Variants in UBA1 observed in about 807,000 individuals in gnomAD.
UBA1 encodes the protein ubiquitin-like modifier-activating enzyme 1.
In UBA1, 4 loss-of-function variants were observed where a neutral mutation model predicts 84.7. That is an observed-to-expected ratio of 0.05 (90% CI 0.02 to 0.11). UBA1 has a LOEUF of 0.11. UBA1 is among the 10% of genes least tolerant of loss of function. The pLI is 1.00. For missense variants in UBA1, 513 were observed against 902.8 expected (o/e 0.57, Z 5.53); for synonymous variants, 364 against 362.6 (o/e 1.00, Z -0.04).
At chrX:47,196,872 C>T (rs981149496) in intron 1 of UBA1, among the ~76,000 whole-genome samples, 3 of 111,952 alleles carry the variant, frequency 2.7e-5, no homozygotes, top group Admixed American at 9.4e-5. Context: ...GGCCACTACA[C>T]GTGCCCAGGG....
intron 16 of UBA1, among the ~76,000 whole-genome samples, chrX:47,207,376 G>A (rs1470429032): frequency 1.8e-5 from 2 of 111,897 alleles, no homozygotes; most frequent in African/African-American, 6.5e-5. Flanking sequence ...AACGATAGCT[G>A]ATGAGCTGAA....
Position 47,206,023 on chromosome X carries a change from C to T in UBA1, c.1651C>T (p.Arg551Cys), listed in dbSNP as rs1556790814. Reference protein sequence around the residue: ...PHIRVTSHQNRVGPDTERIYD... With the variant: ...PHIRVTSHQNCVGPDTERIYD... ...TATCCGGGTGACAAGCCACCAGAACCGTGTGGGTCCTGACACGGAGCGCAT... is the reference window on the plus strand; with the variant it reads ...TATCCGGGTGACAAGCCACCAGAACTGTGTGGGTCCTGACACGGAGCGCAT... The change falls in exon 15 of 26, where the codon CGT becomes TGT. Residue 551 changes from arginine to cysteine, a missense_variant. Arg to Cys is a radical substitution (Grantham distance 180). This residue lies in a region of UBA1 where 55 missense variants were observed against 104.8 expected (regional missense o/e 0.52). Coordinates refer to ENST00000335972, the MANE Select transcript of UBA1 (RefSeq NM_003334.4). 9.1e-6 allele frequency: 11 copies of T among 1,205,525 alleles called. No individual in the cohort carries two copies. The highest frequency in any genetic ancestry group is 1.2e-5 in the Non-Finnish European group (11 of 892,267).
At position 47,209,835 on chromosome X, in the gene UBA1, A is replaced by T. The variant is rs781996296; in HGVS notation, c.2004-93A>T. The T allele has an allele frequency of 1.4e-4, 151 of 1,110,065 alleles. 1 individual carries two copies. In the South Asian group the frequency reaches 2.4e-3, roughly 18 times the overall value. 91.5% of individuals were successfully genotyped at this position (1,110,065 alleles called of 1,213,427 possible). On this transcript the variant is annotated intron_variant, in intron 17 of 25. Coordinates refer to ENST00000335972, the MANE Select transcript of UBA1 (RefSeq NM_003334.4). ...GGGCCTCATGTTGTTTGGGGTCGGG[A>T]CTAGTTTTCCATGGAGAAAGTAAGA...
intron 16 of UBA1, among the ~76,000 whole-genome samples, chrX:47,208,230 CAT>C (rs1198989458): frequency 2.5e-4 from 28 of 112,886 alleles, no homozygotes; most frequent in African/African-American, 8.0e-4. Flanking sequence ...TTGGCACAAT[CAT>C]AGCTCACTGC....
chrX:47,195,686 C>G (rs1556785302), intron 1 of UBA1, among the ~76,000 whole-genome samples: 2 of 110,971 alleles, frequency 1.8e-5, no homozygotes, highest in African/African-American at 6.6e-5. Context: ...GCTTATTAAC[C>G]TTTTTAAGGC....
intron 16 of UBA1, chrX:47,209,237 C>T (rs1936816207): frequency 2.5e-6 from 1 of 396,850 alleles, no homozygotes; most frequent in Non-Finnish European, 4.4e-6. Context: ...TCACTGCAAC[C>T]TCCGCCTCCC....
At position 47,206,002 on chromosome X, in the gene UBA1, C is replaced by T. The variant is rs1936658933; in HGVS notation, c.1630C>T (p.Arg544Trp). The change falls in exon 15 of 26, where the codon CGG becomes TGG. Residue 544 changes from arginine (R) to tryptophan (W), a missense_variant. Physicochemically the swap from Arg to Trp is moderately radical, Grantham distance 101. Transcript: ENST00000335972. Reference protein sequence around the residue: ...AAVRQMNPHIRVTSHQNRVGP... With the variant: ...AAVRQMNPHIWVTSHQNRVGP... ...TGTGCGCCAAATGAATCCACATATC[C>T]GGGTGACAAGCCACCAGAACCGTGT... The T allele has an allele frequency of 5.8e-6, 7 of 1,204,974 alleles. No homozygotes were observed. Among genetic ancestry groups the T allele is most frequent in the Non-Finnish European group, 7.8e-6 (7 of 891,997 alleles).
At chrX:47,211,549 C>G (rs782632992) in intron 20 of UBA1, among the ~76,000 whole-genome samples, 13 of 111,021 alleles carry the variant, frequency 1.2e-4, no homozygotes, top group African/African-American at 4.3e-4. Context: ...TACCAGCAGT[C>G]TCTCTCCCTT....
chrX:47,210,844 C>T lies in UBA1; in HGVS notation c.2202C>T (p.Leu734=). 2 of 1,210,625 alleles carry T rather than the reference C, an allele frequency of 1.7e-6. No homozygotes were observed. The highest frequency in any genetic ancestry group is 1.7e-5 in the African/African-American group (1 of 57,802). The change falls in exon 19 of 26, where the codon CTC becomes CTT. Residue 734 remains leucine, a splice_region_variant and synonymous_variant. Coordinates refer to ENST00000335972, the MANE Select transcript of UBA1 (RefSeq NM_003334.4). ...TCAAAAATCTCTCCATCCCTTAGCT[C>T]ACAAGCTCAGGAGCGCCGTTCTGGT... ...QLLHNFPPDQ[L]TSSGAPFWSG...
chrX:47,194,797 A>T (rs1556784958), intron 1 of UBA1, among the ~76,000 whole-genome samples: 1 of 111,915 alleles, frequency 8.9e-6, no homozygotes, highest in Non-Finnish European at 1.9e-5. Flanking sequence ...CACTTTCTCT[A>T]CTTTTATGGA....
rs1936858848 is a variant in UBA1, at chrX:47,210,093, G to A, written c.2169G>A (p.Arg723=). The change falls in exon 18 of 26, where the codon CGG becomes CGA. Residue 723 remains arginine (R), a synonymous_variant. Coordinates refer to ENST00000335972, the MANE Select transcript of UBA1 (RefSeq NM_003334.4). ...HWHTQYSNNI[R]QLLHNFPPDQ... ...ACACCCAGTACTCGAACAACATCCG[G>A]CAGCTGCTGCACAACTTCCCTCCTG... The A allele has an allele frequency of 8.3e-7, 1 of 1,211,947 alleles. No individual in the cohort carries two copies. The highest frequency in any genetic ancestry group is 3.0e-5 in the East Asian group (1 of 33,840).
At position 47,206,339 on chromosome X, in the gene UBA1, C is replaced by G; in HGVS notation, c.1833C>G (p.Ile611Met). The change falls in exon 16 of 26, where the codon ATC becomes ATG. Residue 611 changes from isoleucine (I) to methionine (M), a missense_variant. Ile to Met is a conservative substitution (Grantham distance 10). Transcript: ENST00000335972. ...LGTKGNVQVV[I>M]PFLTESYSSS... The stretch of plus-strand genomic sequence containing the variant: ...CCAAAGGCAATGTGCAGGTGGTGAT[C>G]CCCTTCCTGACAGAGTCGTACAGTT... 1 of 1,211,790 alleles carries G rather than the reference C, an allele frequency of 8.3e-7. No homozygotes were observed.
Position 47,199,051 on chromosome X carries a change from A to T in UBA1, c.121A>T (p.Met41Leu). The change falls in exon 3 of 26, where the codon ATG (methionine) becomes TTG (leucine). Residue 41 changes from methionine to leucine, a missense_variant. Physicochemically the swap from Met to Leu is conservative, Grantham distance 15 (BLOSUM62 2). Coordinates refer to ENST00000335972, the MANE Select transcript of UBA1 (RefSeq NM_003334.4). ...TGTTCTTTTCCTCTATTCCTAGGGA[A>T]TGGCCAAGAACGGCAGTGAAGCAGA... ...SEVPSVPTNG[M>L]AKNGSEADID... The T allele has an allele frequency of 8.3e-7, 1 of 1,212,114 alleles. No homozygotes were observed. The highest frequency in any genetic ancestry group is 1.1e-6 in the Non-Finnish European group (1 of 895,425).
At chrX:47,201,058 A>G (rs1270729415) in intron 6 of UBA1, 58 bp downstream of exon 6, 3 of 1,037,296 alleles carry the variant, frequency 2.9e-6, no homozygotes, top group Non-Finnish European at 4.0e-6. Flanking sequence ...TACCAAGCCC[A>G]GGCCAAGACT....
At chrX:47,212,333 GA>G in intron 20 of UBA1, 90 bp from the exon 21 acceptor site, 1 of 630,993 alleles carries the variant, frequency 1.6e-6, no homozygotes, top group Non-Finnish European at 2.6e-6. Flanking sequence ...TTTTGTACCT[GA>G]ATACCTTTTG....
chrX:47,201,701 T>TG (rs782286154), intron 8 of UBA1, 91 bp downstream of exon 8: 4 of 1,052,853 alleles, frequency 3.8e-6, no homozygotes, highest in Non-Finnish European at 5.2e-6. Flanking sequence ...ACATGGCCCT[T>TG]GGTTCAGAGT....
Position 47,202,378 on chromosome X carries a change from G to A in UBA1, c.930G>A (p.Leu310=). ...KISFKSLVAS[L]AEPDFVVTDF... ...CACAGAAATCCTTGGTGGCCTCACTGGCAGAACCTGACTTTGTGGTGACGG... is the reference window on the plus strand; with the variant it reads ...CACAGAAATCCTTGGTGGCCTCACTAGCAGAACCTGACTTTGTGGTGACGG... Residue 310 remains leucine (L), a synonymous_variant, in exon 10 of 26, where the codon CTG becomes CTA. Transcript: ENST00000335972. 8.3e-7 allele frequency: 1 copy of A among 1,211,445 alleles called. No individual in the cohort carries two copies. Among genetic ancestry groups the A allele is most frequent in the Non-Finnish European group, 1.1e-6 (1 of 895,315 alleles).
rs149478641 is a variant in UBA1, at chrX:47,202,678, A to C, written c.1097A>C (p.Asn366Thr). Residue 366 changes from asparagine to threonine, a missense_variant, in exon 11 of 26, where the codon AAT (asparagine) becomes ACT (threonine). Physicochemically the swap from Asn to Thr is moderately conservative, Grantham distance 65. Transcript: ENST00000335972. ...AELVALAQAVNARALPAVQQN... is the reference protein window; with the variant it reads ...AELVALAQAVTARALPAVQQN... ...CTGGTAGCCTTAGCACAGGCTGTGA[A>C]TGCTCGAGCCCTGCCAGCAGTGCAG... The C allele has an allele frequency of 3.1e-5, 37 of 1,211,010 alleles. No individual in the cohort carries two copies. The African/African-American group carries it at 6.3e-4, about 20-fold the overall frequency.
At chrX:47,205,684 T>A (rs781804862) in intron 14 of UBA1, 16 of 404,845 alleles carry the variant, frequency 4.0e-5, no homozygotes, top group Non-Finnish European at 6.2e-5. Context: ...CAAAACCCTG[T>A]CTCTACCAAA....
Sources: allele counts gnomAD v4.1 joint callset (sites outside exome capture counted in the v4.1 genomes callset), GRCh38; gene constraint gnomAD v4.1.1; regional missense constraint gnomAD v4.1.1; transcripts MANE v1.5; gene names NCBI Gene and HGNC (gene_info 2026-07-23, HGNC 2026-07-21).